The following NT5DC3 variants were observed in gnomAD, a reference collection of about 807,000 sequenced individuals.
The protein encoded by NT5DC3 is 5'-nucleotidase domain-containing protein 3.
In NT5DC3, 42 loss-of-function variants were observed where a neutral mutation model predicts 67.8. The observed-to-expected ratio is 0.62, with a 90% CI of 0.48 to 0.80. The LOEUF (loss-of-function observed/expected upper bound fraction) is 0.80, where lower values mean the gene tolerates loss of function less well. Among genes scored for constraint, NT5DC3 ranks in the 30% least tolerant of loss-of-function variants. NT5DC3 has a pLI of 0.00. For synonymous variants in NT5DC3, 237 were observed against 255.6 expected, an observed-to-expected ratio of 0.93 and a Z score of 0.69; for missense variants, 570 against 696.4, an observed-to-expected ratio of 0.82 and a Z score of 2.04.
At chr12:103,797,741 C>A (rs1398239169) in intron 5 of NT5DC3, among the ~76,000 whole-genome samples, 1 of 152,114 alleles carries the variant, frequency 6.6e-6, no homozygotes, top group East Asian at 1.9e-4. Context: ...AACCTCACGG[C>A]CCACATTTGA....
At chr12:103,810,704 A>G (rs1490713230) in intron 2 of NT5DC3, among the ~76,000 whole-genome samples, 2 of 152,184 alleles carry the variant, frequency 1.3e-5, no homozygotes, top group African/African-American at 4.8e-5. Context: ...AATGCTACAG[A>G]AACGTCCCTA....
chr12:103,832,858 C>T (rs1024080645), intron 1 of NT5DC3, among the ~76,000 whole-genome samples: 4 of 152,162 alleles, frequency 2.6e-5, no homozygotes, highest in African/African-American at 7.2e-5. Flanking sequence ...CACTAAGATT[C>T]CCCTGGAATC....
chr12:103,761,878 T>G, the NT5DC3 span, among the ~76,000 whole-genome samples: 1 of 152,112 alleles, frequency 6.6e-6, no homozygotes, highest in Non-Finnish European at 1.5e-5. Flanking sequence ...TGATGGTGGT[T>G]GTTAGTATTC....
In NT5DC3 at chr12:103,812,431, TAATGAG is replaced by T. The variant is rs555076479; in HGVS notation, c.393+2500_393+2505del. Among the ~76,000 whole-genome samples the T allele has an allele frequency of 3.8e-3, 576 of 149,698 alleles. 7 individuals carry two copies. The highest frequency in any genetic ancestry group is 5.6e-3 in the Non-Finnish European group (378 of 68,004). ...GTTTTATCAAAGCAACAAACAGACA[TAATGAG>T]AATGAAATTTCAATGATCTTAAATC... On this transcript the variant is annotated intron_variant, in intron 2 of 13. Coordinates refer to ENST00000392876, the MANE Select transcript of NT5DC3 (RefSeq NM_001031701.3).
rs1817006744 is a variant in NT5DC3, at chr12:103,775,080, A to G, written c.*2749T>C. The stretch of plus-strand genomic sequence containing the variant: ...TCCTGACTGAGTATATACAAGGATT[A>G]ATAATAAAGTGGGATGTGCCTCCAT... On this transcript the variant is annotated 3_prime_UTR_variant, in exon 14 of 14. Transcript: ENST00000392876. 6.6e-6 allele frequency: 1 copy of G among 151,686 alleles called. No homozygotes were observed. The highest frequency in any genetic ancestry group is 2.4e-5 in the African/African-American group (1 of 41,270). The allele number at this position is 151,686 out of a possible 1,614,324, so 9.4% of individuals were successfully genotyped here.
the NT5DC3 span, chr12:103,762,505 G>A: frequency 7.7e-5 from 121 of 1,567,508 alleles, no homozygotes; most frequent in Non-Finnish European, 1.0e-4. Context: ...TCCTCACCCA[G>A]AAGCAGTGTG....
chr12:103,784,059 T>C (rs924054433), intron 12 of NT5DC3, among the ~76,000 whole-genome samples: 3 of 152,198 alleles, frequency 2.0e-5, no homozygotes, highest in Non-Finnish European at 2.9e-5. Context: ...TGTTTCCTTA[T>C]TCTAAAATGG....
chr12:103,821,653 C>G (rs1887495383), intron 1 of NT5DC3, among the ~76,000 whole-genome samples: 1 of 152,168 alleles, frequency 6.6e-6, no homozygotes, highest in African/African-American at 2.4e-5. Flanking sequence ...TGCTAGGAAC[C>G]TGGAAAAGAT....
At position 103,841,074 on chromosome 12, in the gene NT5DC3, C is replaced by T. The variant is rs932124503; in HGVS notation, c.83G>A (p.Gly28Glu). ...ACACGGCCGCCCCCGAGCCGCGGTCCCGCAGCCACCCCGCAAAGCCGCCGC... is the reference window on the plus strand; with the variant it reads ...ACACGGCCGCCCCCGAGCCGCGGTCTCGCAGCCACCCCGCAAAGCCGCCGC... ...ATAAALRGGC[G>E]TAARGRPCAG... is the part of the protein sequence containing the mutation. The change falls in exon 1 of 14, where the codon GGG becomes GAG. Residue 28 changes from glycine to glutamate, a missense_variant. Transcript: ENST00000392876. The T allele has an allele frequency of 6.3e-6, 8 of 1,267,014 alleles. No homozygotes were observed. Among genetic ancestry groups the T allele is most frequent in the African/African-American group, 1.6e-5 (1 of 64,186 alleles). The allele number at this position is 1,267,014 out of a possible 1,614,324, so 78.5% of individuals were successfully genotyped here.
At chr12:103,803,041 G>A (rs1404435047) in intron 4 of NT5DC3, among the ~76,000 whole-genome samples, 2 of 152,130 alleles carry the variant, frequency 1.3e-5, no homozygotes, top group African/African-American at 4.8e-5. Context: ...AGGGGTAAGT[G>A]TCTATGGAGG....
chr12:103,786,160 C>A (rs1003103091), intron 11 of NT5DC3, among the ~76,000 whole-genome samples: 7 of 151,902 alleles, frequency 4.6e-5, no homozygotes, highest in Non-Finnish European at 7.4e-5. Context: ...AAAATACAGA[C>A]AATAAATAAG....
chr12:103,765,101 A>C, the NT5DC3 span, among the ~76,000 whole-genome samples: 5 of 151,728 alleles, frequency 3.3e-5, no homozygotes, highest in African/African-American at 7.3e-5. Context: ...AAAAAAAAAA[A>C]AAAAAAAAAA....
the NT5DC3 span, among the ~76,000 whole-genome samples, chr12:103,749,868 A>AAAG: frequency 7.3e-6 from 1 of 137,720 alleles, no homozygotes; most frequent in Non-Finnish European, 1.6e-5. Flanking sequence ...AAAAAAAAAA[A>AAAG]AAAAGCTGGT....
chr12:103,840,391 A>G (rs1214147710), intron 1 of NT5DC3, among the ~76,000 whole-genome samples: 6 of 129,382 alleles, frequency 4.6e-5, no homozygotes, highest in African/African-American at 1.7e-4. Context: ...ATCTCATCTC[A>G]TCTCATCTCA....
the NT5DC3 span, among the ~76,000 whole-genome samples, chr12:103,747,164 C>CA: frequency 1.3e-4 from 20 of 149,796 alleles, no homozygotes; most frequent in African/African-American, 3.7e-4. Flanking sequence ...ATCCAGCCTT[C>CA]AAAAAAAAAT....
chr12:103,778,453 C>A (rs1885419326), intron 13 of NT5DC3, among the ~76,000 whole-genome samples: 2 of 152,258 alleles, frequency 1.3e-5, no homozygotes, highest in African/African-American at 4.8e-5. Flanking sequence ...ATCATTTGAA[C>A]CAGGGAGGCA....
chr12:103,762,456 C>T, the NT5DC3 span: 1 of 1,612,716 alleles, frequency 6.2e-7, no homozygotes, highest in Non-Finnish European at 8.5e-7. Context: ...AAACCCAGTC[C>T]CTGGACCTGG....
At chr12:103,840,273 C>A (rs1257333223) in intron 1 of NT5DC3, among the ~76,000 whole-genome samples, 1 of 152,114 alleles carries the variant, frequency 6.6e-6, no homozygotes, top group East Asian at 1.9e-4. Context: ...GTGCACCTGG[C>A]CATGAAGTTC....
chr12:103,752,025 A>G, the NT5DC3 span, among the ~76,000 whole-genome samples: 1 of 152,180 alleles, frequency 6.6e-6, no homozygotes, highest in Admixed American at 6.5e-5. Context: ...CATGATTTGC[A>G]GCCGATTTGG....
Sources: allele counts gnomAD v4.1 joint callset (sites outside exome capture counted in the v4.1 genomes callset), GRCh38; gene constraint gnomAD v4.1.1; transcripts MANE v1.5; gene names NCBI Gene and HGNC (gene_info 2026-07-23, HGNC 2026-07-21).